The following KLHL17 variants were observed in gnomAD, a reference collection of about 807,000 sequenced individuals.
KLHL17 encodes the protein kelch-like protein 17.
KLHL17 carries 71 observed loss-of-function variants against 64.6 expected under a neutral mutation model. The ratio of observed to expected loss-of-function variants is 1.10; its 90% CI spans 0.91 to 1.34. The LOEUF (loss-of-function observed/expected upper bound fraction) is 1.34, where lower values mean the gene tolerates loss of function less well. KLHL17 is among the 40% of genes most tolerant of loss of function. The pLI, the probability that KLHL17 is intolerant of heterozygous loss-of-function variation, is 0.00. For synonymous variants in KLHL17, 612 were observed against 405.4 expected (o/e 1.51, Z -6.12); for missense variants, 1,140 against 935.0 (o/e 1.22, Z -2.86).
intron 2 of KLHL17, 21 bp downstream of exon 2, chr1:961,573 C>T (rs1642648587): frequency 1.2e-6 from 2 of 1,612,714 alleles, no homozygotes; most frequent in Non-Finnish European, 1.7e-6. Context: ...GCCTGGGCGG[C>T]GCTGGGGGCT....
At position 961,777 on chromosome 1, in the gene KLHL17, G is replaced by A. The variant is rs768154140; in HGVS notation, c.489+27G>A. The A allele has an allele frequency of 3.1e-6, 5 of 1,611,726 alleles. 1 individual carries two copies. The highest frequency in any genetic ancestry group is 3.3e-4 in the Middle Eastern group (2 of 6,058). ...TGAGGGCTCCCTCACCCGGATCCCGGTGTCCCCCGACCCTGTGCCTCCCTC... is the reference window on the plus strand; with the variant it reads ...TGAGGGCTCCCTCACCCGGATCCCGATGTCCCCCGACCCTGTGCCTCCCTC... On this transcript the variant is annotated intron_variant, in intron 3 of 11. Coordinates refer to ENST00000338591, the MANE Select transcript of KLHL17 (RefSeq NM_198317.3).
At chr1:961,175 G>A (rs1159248310) in intron 1 of KLHL17, 118 bp from the exon 2 acceptor site, 9 of 714,278 alleles carry the variant, frequency 1.3e-5, no homozygotes, top group Non-Finnish European at 1.6e-5. Flanking sequence ...GGCGAGGGCT[G>A]CCGGCGCCCC....
chr1:963,673 C>T, intron 8 of KLHL17, 169 bp downstream of exon 8: 1 of 891,012 alleles, frequency 1.1e-6, no homozygotes, highest in Non-Finnish European at 1.7e-6. Flanking sequence ...CTTTGCTGCC[C>T]CAGTGCCCTT....
chr1:961,761 C>G lies in KLHL17; in HGVS notation c.489+11C>G, dbSNP rs572528335. 3.1e-6 allele frequency: 5 copies of G among 1,611,806 alleles called. No homozygotes were observed. In the East Asian group the frequency reaches 1.1e-4, roughly 36 times the overall value. On this transcript the variant is annotated intron_variant, in intron 3 of 11. Transcript: ENST00000338591. ...GAGGGCAATGTGCAGGTGAGGGCTC[C>G]CTCACCCGGATCCCGGTGTCCCCCG...
chr1:960,882 C>T (rs2100410570), intron 1 of KLHL17, 82 bp downstream of exon 1: 7 of 816,138 alleles, frequency 8.6e-6, no homozygotes, highest in South Asian at 5.7e-5. Flanking sequence ...GCAGAAGGGG[C>T]GGGGGCCGCT....
chr1:963,595 T>C lies in KLHL17; in HGVS notation c.1355+91T>C, dbSNP rs544458240. The stretch of plus-strand genomic sequence containing the variant: ...ATCACAGGGGTCGTATCTGATGGGG[T>C]GTTAAAGGAGGTGATCCGCGAGGCC... On this transcript the variant is annotated intron_variant, in intron 8 of 11. Coordinates refer to ENST00000338591, the MANE Select transcript of KLHL17 (RefSeq NM_198317.3). 63 of 1,407,266 alleles carry C rather than the reference T, an allele frequency of 4.5e-5. No homozygotes were observed. The East Asian group carries it at 1.4e-3, about 32-fold the overall frequency. 87.2% of individuals were successfully genotyped at this position (1,407,266 alleles called of 1,614,324 possible).
At position 964,097 on chromosome 1, in the gene KLHL17, C is replaced by T; in HGVS notation, c.1445-10C>T. On this transcript the variant is annotated splice_polypyrimidine_tract_variant and intron_variant, in intron 9 of 11. Transcript: ENST00000338591. ...AGCAGGAGTGCCACGGGTGTGTTGA[C>T]TTCCGGCAGATGGGAACCTGTATGC... is the stretch of plus-strand genomic sequence containing the variant. 5 of 1,612,696 alleles carry T rather than the reference C, an allele frequency of 3.1e-6. No homozygotes were observed. Among genetic ancestry groups the T allele is most frequent in the Non-Finnish European group, 4.2e-6 (5 of 1,179,916 alleles).
chr1:962,365 T>C lies in KLHL17; in HGVS notation c.722T>C (p.Leu241Pro). The change falls in exon 5 of 12, where the codon CTG becomes CCG. Residue 241 changes from leucine (L) to proline (P), a missense_variant. Physicochemically the swap from Leu to Pro is moderately conservative, Grantham distance 98. Transcript: ENST00000338591. ...GACCCCCACTCCCAGGTTCTGGAACTGGTCTCTAGCGACAGCCTGAACGTG... is the reference window on the plus strand; with the variant it reads ...GACCCCCACTCCCAGGTTCTGGAACCGGTCTCTAGCGACAGCCTGAACGTG... ...MLLPLKQVLELVSSDSLNVPS... is the reference protein window; with the variant it reads ...MLLPLKQVLEPVSSDSLNVPS... 1.2e-6 allele frequency: 2 copies of C among 1,612,726 alleles called. No individual in the cohort carries two copies. Among genetic ancestry groups the C allele is most frequent in the Non-Finnish European group, 1.7e-6 (2 of 1,179,906 alleles).
rs373840424 is a variant in KLHL17 at position 963,224 on chromosome 1, G to A, written c.1158G>A (p.Ala386=). 355 of 1,607,332 alleles carry A rather than the reference G, an allele frequency of 2.2e-4. No homozygotes were observed. Among genetic ancestry groups the A allele is most frequent in the Admixed American group, 3.8e-4 (23 of 59,856 alleles). ...STRRARVGVA[A]VGNRLYAVGG... ...GCCGGGCCCGGGTGGGAGTGGCTGC[G>A]GTGGGGAACCGGCTCTATGCTGTGG... The change falls in exon 7 of 12, where the codon GCG becomes GCA. Residue 386 remains alanine (A), a synonymous_variant. Coordinates refer to ENST00000338591, the MANE Select transcript of KLHL17 (RefSeq NM_198317.3).
In KLHL17 at chr1:964,108, T is replaced by C. The variant is rs1569986983; in HGVS notation, c.1446T>C (p.Asp482=). The change falls in exon 10 of 12, where the codon GAT becomes GAC. Residue 482 remains aspartate (D), a splice_region_variant and synonymous_variant. Transcript: ENST00000338591. ...RRRYVRVATL[D]GNLYAVGGYD... ...CACGGGTGTGTTGACTTCCGGCAGATGGGAACCTGTATGCTGTGGGCGGCT... is the reference window on the plus strand; with the variant it reads ...CACGGGTGTGTTGACTTCCGGCAGACGGGAACCTGTATGCTGTGGGCGGCT... 6.2e-7 allele frequency: 1 copy of C among 1,612,678 alleles called. No homozygotes were observed. The highest frequency in any genetic ancestry group is 1.3e-5 in the African/African-American group (1 of 75,020).
At chr1:962,948 C>T (rs761772438) in intron 6 of KLHL17, 31 bp downstream of exon 6, 24 of 1,526,750 alleles carry the variant, frequency 1.6e-5, no homozygotes, top group Non-Finnish European at 1.9e-5. Flanking sequence ...CCCTCTTGCC[C>T]TGTGCCTTCT....
chr1:963,301 G>C (rs1366289141), intron 7 of KLHL17, 36 bp from the exon 8 acceptor site: 1 of 1,600,432 alleles, frequency 6.2e-7, no homozygotes, highest in South Asian at 1.1e-5. Flanking sequence ...GTGCCCGCCA[G>C]GCCAGTCTTG....
At position 961,370 on chromosome 1, in the gene KLHL17, G is replaced by T. The variant is rs751989381; in HGVS notation, c.185G>T (p.Arg62Leu). ...GAGGGAGCCGTGCAGCTGCTGAGCC[G>T]CGAGGGCCACAGCGTGGCCCACAAC... Reference protein sequence around the residue: ...PMEGAVQLLSREGHSVAHNSK... With the variant: ...PMEGAVQLLSLEGHSVAHNSK... Residue 62 changes from arginine to leucine, a missense_variant, in exon 2 of 12, where the codon CGC becomes CTC. Arg to Leu is a moderately radical substitution (Grantham distance 102). Coordinates refer to ENST00000338591, the MANE Select transcript of KLHL17 (RefSeq NM_198317.3). 4 of 1,596,548 alleles carry T rather than the reference G, an allele frequency of 2.5e-6. No individual in the cohort carries two copies. The South Asian group carries it at 4.5e-5, about 18-fold the overall frequency.
At chr1:963,758 C>T (rs1038002774) in intron 8 of KLHL17, 162 bp from the exon 9 acceptor site, 18 of 914,446 alleles carry the variant, frequency 2.0e-5, no homozygotes, top group African/African-American at 3.3e-5. Flanking sequence ...TTCAGGCAGC[C>T]AGGGTCCTGT....
At chr1:960,977 G>A (rs1391953255) in intron 1 of KLHL17, 177 bp downstream of exon 1, 2 of 335,750 alleles carry the variant, frequency 6.0e-6, no homozygotes, top group Non-Finnish European at 8.4e-6. Context: ...GCGCGCCCAG[G>A]ACGCGACTCC....
chr1:962,636 G>A, intron 5 of KLHL17, 68 bp from the exon 6 acceptor site: 10 of 1,530,114 alleles, frequency 6.5e-6, no homozygotes, highest in South Asian at 1.3e-5. Flanking sequence ...CATCTGGGGG[G>A]TTGTCTCAGC....
At position 964,034 on chromosome 1, in the gene KLHL17, G is replaced by T. The variant is rs772206605; in HGVS notation, c.1444+26G>T. The T allele has an allele frequency of 3.7e-6, 6 of 1,612,156 alleles. No homozygotes were observed. In the South Asian group the frequency reaches 6.6e-5, roughly 18 times the overall value. The stretch of plus-strand genomic sequence containing the variant: ...GTGGGTGATGGGGCCTGCCTGGGGG[G>T]CATCCCCACCTTCCCCCACCGTGGA... On this transcript the variant is annotated intron_variant, in intron 9 of 11. Transcript: ENST00000338591.
chr1:962,811 C>A lies in KLHL17; in HGVS notation c.936C>A (p.Ile312=). The change falls in exon 6 of 12, where the codon ATC becomes ATA. Residue 312 remains isoleucine, a synonymous_variant. Coordinates refer to ENST00000338591, the MANE Select transcript of KLHL17 (RefSeq NM_198317.3). ...ACCCTGACTGCAAGGACCTCCTCAT[C>A]GAGGCCCTGAAGTTCCACCTGCTGC... ...RHHPDCKDLL[I]EALKFHLLPE... 6.2e-7 allele frequency: 1 copy of A among 1,609,342 alleles called. No individual in the cohort carries two copies. The highest frequency in any genetic ancestry group is 8.5e-7 in the Non-Finnish European group (1 of 1,179,270).
At chr1:962,579 G>T in intron 5 of KLHL17, 108 bp downstream of exon 5, 1 of 1,529,652 alleles carries the variant, frequency 6.5e-7, no homozygotes, top group Non-Finnish European at 8.8e-7. Flanking sequence ...CGTGGGGGTG[G>T]TGCCCCCACC....
Sources: allele counts gnomAD v4.1 joint callset, GRCh38; gene constraint gnomAD v4.1.1; transcripts MANE v1.5; gene names NCBI Gene and HGNC (gene_info 2026-07-23, HGNC 2026-07-21).